Variants in KDM4C observed in about 807,000 individuals in gnomAD.
KDM4C encodes lysine demethylase 4C.
In KDM4C, 81 loss-of-function variants were observed where a neutral mutation model predicts 129.3. The observed-to-expected ratio is 0.63, with a 90% CI of 0.52 to 0.75. The LOEUF is 0.75. KDM4C is among the 30% of genes least tolerant of loss of function. KDM4C has a pLI of 0.00. For missense variants in KDM4C, 1,457 were observed against 1,304.0 expected (o/e 1.12, Z -1.81); for synonymous variants, 573 against 456.1 (o/e 1.26, Z -3.26).
At chr9:6,906,668 C>T (rs59779500) in intron 8 of KDM4C, among the ~76,000 whole-genome samples, 22,615 of 152,142 alleles carry the variant, frequency 0.15, 1,960 homozygotes, top group South Asian at 0.33. Flanking sequence ...TCTCGAACTC[C>T]TGGGCTCAAG....
intron 1 of KDM4C, among the ~76,000 whole-genome samples, chr9:6,776,306 C>G (rs1823023127): frequency 6.6e-6 from 1 of 152,170 alleles, no homozygotes; most frequent in African/African-American, 2.4e-5. Flanking sequence ...GCGCTGTTGC[C>G]AGGCTGGAGT....
chr9:6,952,321 A>G (rs1460449512), intron 8 of KDM4C, among the ~76,000 whole-genome samples: 1 of 151,840 alleles, frequency 6.6e-6, no homozygotes, highest in Non-Finnish European at 1.5e-5. Flanking sequence ...ATCGTGGTAC[A>G]GTTTTATAGG....
At chr9:6,860,744 A>G (rs970265654) in intron 5 of KDM4C, among the ~76,000 whole-genome samples, 1 of 152,186 alleles carries the variant, frequency 6.6e-6, no homozygotes, top group African/African-American at 2.4e-5. Flanking sequence ...TTTTTACATT[A>G]AAGTTAGTGT....
intron 8 of KDM4C, among the ~76,000 whole-genome samples, chr9:6,963,611 A>G (rs1482503579): frequency 6.6e-6 from 1 of 152,250 alleles, no homozygotes; most frequent in African/African-American, 2.4e-5. Flanking sequence ...AGGATGTAGC[A>G]GAGGGGTAAC....
chr9:6,862,951 A>C (rs1841230536), intron 5 of KDM4C, among the ~76,000 whole-genome samples: 1 of 152,084 alleles, frequency 6.6e-6, no homozygotes, highest in African/African-American at 2.4e-5. Context: ...CCTTTAAGCC[A>C]CTTTATCTTA....
At chr9:6,775,140 C>T (rs1455301622) in intron 1 of KDM4C, among the ~76,000 whole-genome samples, 1 of 152,160 alleles carries the variant, frequency 6.6e-6, no homozygotes, top group East Asian at 1.9e-4. Context: ...TCTCAGCCTC[C>T]CGAGTAGCTG....
At chr9:6,853,348 C>T (rs76746127) in intron 5 of KDM4C, among the ~76,000 whole-genome samples, 5,304 of 151,940 alleles carry the variant, frequency 0.035, 156 homozygotes, top group South Asian at 0.14. Context: ...GAAAATTAGC[C>T]GGTCATAGTG....
Position 7,165,351 on chromosome 9 carries a change from G to T in KDM4C, c.2895G>T (p.Met965Ile). 6.2e-7 allele frequency: 1 copy of T among 1,613,898 alleles called. No homozygotes were observed. Among genetic ancestry groups the T allele is most frequent in the Non-Finnish European group, 8.5e-7 (1 of 1,179,918 alleles). The change falls in exon 20 of 22, where the codon ATG (methionine) becomes ATT (isoleucine). Residue 965 changes from methionine (M) to isoleucine (I), a missense_variant. By Grantham distance (10) the Met-to-Ile change is conservative (BLOSUM62 1). Coordinates refer to ENST00000381309, the MANE Select transcript of KDM4C (RefSeq NM_015061.6). The stretch of plus-strand genomic sequence containing the variant: ...ATTTTGGATCAAATATTGCCCACAT[G>T]TACCAGGTGGGTTCTTCCTTCTCTG... ...AKYFGSNIAH[M>I]YQVEFEDGSQ... is the part of the protein sequence containing the mutation.
In KDM4C at chr9:6,793,032, A is replaced by G; in HGVS notation, c.44A>G (p.Lys15Arg). ...GAAAGTCCTCTGAACCCCAGCTGTAAGATAATGACCTTCAGACCCTCCATG... is the reference window on the plus strand; with the variant it reads ...GAAAGTCCTCTGAACCCCAGCTGTAGGATAATGACCTTCAGACCCTCCATG... ...EVESPLNPSC[K>R]IMTFRPSMEE... is the part of the protein sequence containing the mutation. Residue 15 changes from lysine (K) to arginine (R), a missense_variant, in exon 2 of 22, where the codon AAG becomes AGG. By Grantham distance (26) the Lys-to-Arg change is conservative. Transcript: ENST00000381309. The G allele has an allele frequency of 6.2e-7, 1 of 1,614,194 alleles. No individual in the cohort carries two copies. Among genetic ancestry groups the G allele is most frequent in the Non-Finnish European group, 8.5e-7 (1 of 1,180,030 alleles).
intron 8 of KDM4C, among the ~76,000 whole-genome samples, chr9:6,955,447 C>G (rs373793534): frequency 3.9e-5 from 6 of 152,172 alleles, no homozygotes; most frequent in East Asian, 1.9e-4. Flanking sequence ...CCCTGCAGAG[C>G]TGAGTATAGA....
At chr9:6,829,228 C>T (rs1373953370) in intron 4 of KDM4C, among the ~76,000 whole-genome samples, 2 of 152,150 alleles carry the variant, frequency 1.3e-5, no homozygotes, top group African/African-American at 4.8e-5. Context: ...TTACTGGGCA[C>T]TGGCAAAGTC....
chr9:6,960,645 T>G (rs192435061), intron 8 of KDM4C, among the ~76,000 whole-genome samples: 1 of 152,282 alleles, frequency 6.6e-6, no homozygotes, highest in Admixed American at 6.5e-5. Flanking sequence ...AAAGATGGTT[T>G]AAAGATGATT....
intron 12 of KDM4C, among the ~76,000 whole-genome samples, chr9:7,004,225 A>G (rs2132062873): frequency 6.6e-6 from 1 of 152,342 alleles, no homozygotes; most frequent in Non-Finnish European, 1.5e-5. Context: ...ACTTACATGT[A>G]ACAAAATTTG....
chr9:6,826,831 C>T (rs1431470371), intron 4 of KDM4C, among the ~76,000 whole-genome samples: 3 of 150,916 alleles, frequency 2.0e-5, no homozygotes, highest in South Asian at 2.1e-4. Flanking sequence ...CGCGCCACTG[C>T]ACTCCAGCCT....
chr9:6,752,750 C>T (rs918884494), upstream of KDM4C, among the ~76,000 whole-genome samples: 1 of 152,116 alleles, frequency 6.6e-6, no homozygotes, highest in Non-Finnish European at 1.5e-5. Flanking sequence ...ATATTGTGGT[C>T]TCTTTCCAAC....
At chr9:7,011,671 T>G in intron 12 of KDM4C, 27 bp from the exon 13 acceptor site, 1 of 1,600,276 alleles carries the variant, frequency 6.2e-7, no homozygotes, top group Non-Finnish European at 8.6e-7. Flanking sequence ...CCCATGCTCA[T>G]GGTATTTTCC....
chr9:7,173,996 C>A (rs1166675453), intron 21 of KDM4C, among the ~76,000 whole-genome samples: 1 of 152,134 alleles, frequency 6.6e-6, no homozygotes, highest in East Asian at 1.9e-4. Flanking sequence ...GAAAGGGAAC[C>A]CCTGAGACAT....
In KDM4C at chr9:6,905,615, C is replaced by T. The variant is rs141032188; in HGVS notation, c.921+12383C>T. Among the ~76,000 whole-genome samples, 388 of 152,308 alleles carry T rather than the reference C, an allele frequency of 2.5e-3. 3 individuals carry two copies. Among genetic ancestry groups the T allele is most frequent in the African/African-American group, 9.0e-3 (375 of 41,578 alleles). On this transcript the variant is annotated intron_variant, in intron 8 of 21. Transcript: ENST00000381309. The stretch of plus-strand genomic sequence containing the variant: ...TTTTGAGAAAGCATGACCAAGACTT[C>T]GTAACAGATAACTGCCGTTCTCAGA...
At chr9:6,807,790 T>G (rs867292623) in intron 3 of KDM4C, among the ~76,000 whole-genome samples, 40 of 109,632 alleles carry the variant, frequency 3.6e-4, no homozygotes, top group South Asian at 6.9e-4. Context: ...GGGAGGGAGG[T>G]GGGGGGGGGG....
Sources: gnomAD v4.1 joint callset for allele counts (sites outside exome capture counted in the v4.1 genomes callset) on GRCh38, gnomAD v4.1.1 for gene constraint, MANE v1.5 for transcripts, NCBI Gene and HGNC (gene_info 2026-07-23, HGNC 2026-07-21) for gene names.